Variants in WNT6 observed in about 807,000 individuals in gnomAD.
The protein encoded by WNT6 is Wnt family member 6.
WNT6 carries 27 observed loss-of-function variants against 33.1 expected under a neutral mutation model. The ratio of observed to expected loss-of-function variants is 0.82; its 90% CI spans 0.60 to 1.12. The LOEUF (loss-of-function observed/expected upper bound fraction) is 1.12, where lower values mean the gene tolerates loss of function less well. Ranked by LOEUF, WNT6 falls within the 50% of genes most tolerant of loss-of-function variation. The pLI is 0.00. For synonymous variants in WNT6, 249 were observed against 242.8 expected (o/e 1.03, Z -0.24); for missense variants, 494 against 535.3 (o/e 0.92, Z 0.76).
rs1944421615 is a variant in WNT6 at position 218,873,400 on chromosome 2, C to G, written c.653C>G (p.Thr218Arg). 6.5e-7 allele frequency: 1 copy of G among 1,536,202 alleles called. No homozygotes were observed. The highest frequency in any genetic ancestry group is 8.7e-7 in the Non-Finnish European group (1 of 1,146,244). ...CTCCCGCAGGCCGTGCGGAGCCACA[C>G]GCGCACCGAGTGCAAATGCCACGGG... Reference protein sequence around the residue: ...EAGRLAVRSHTRTECKCHGLS... With the variant: ...EAGRLAVRSHRRTECKCHGLS... Residue 218 changes from threonine to arginine, a missense_variant, in exon 4 of 4, where the codon ACG becomes AGG. Coordinates refer to ENST00000233948, the MANE Select transcript of WNT6 (RefSeq NM_006522.4). The surrounding 1 kb of genome is among the most constrained non-coding windows in gnomAD (Gnocchi z 6.1).
At chr2:218,863,475 G>C (rs557841290) in intron 1 of WNT6, among the ~76,000 whole-genome samples, 4 of 152,300 alleles carry the variant, frequency 2.6e-5, no homozygotes, top group African/African-American at 9.6e-5. Flanking sequence ...CGGAGACCTG[G>C]CTCCAGGTTC....
chr2:218,863,041 A>G (rs1944323193), intron 1 of WNT6, among the ~76,000 whole-genome samples: 1 of 152,126 alleles, frequency 6.6e-6, no homozygotes, highest in Non-Finnish European at 1.5e-5. Flanking sequence ...CTTTGGTCTG[A>G]GCCCAGATCC....
At chr2:218,864,291 G>A (rs939947891) in intron 1 of WNT6, among the ~76,000 whole-genome samples, 2 of 151,378 alleles carry the variant, frequency 1.3e-5, no homozygotes, top group Admixed American at 6.6e-5. Flanking sequence ...ACAGAGTCTC[G>A]CTCTGTCACC....
chr2:218,866,745 A>G (rs1559407845), intron 1 of WNT6, among the ~76,000 whole-genome samples: 1 of 152,200 alleles, frequency 6.6e-6, no homozygotes. Context: ...AACATCATAG[A>G]ACAAGCAAAT....
At chr2:218,860,168 C>G in intron 1 of WNT6, 51 bp downstream of exon 1, 1 of 1,470,028 alleles carries the variant, frequency 6.8e-7, no homozygotes, top group Admixed American at 2.2e-5. Flanking sequence ...GTGGGGACCC[C>G]GGGACCCAGG....
At chr2:218,869,221 T>C (rs1944379015) in intron 1 of WNT6, among the ~76,000 whole-genome samples, 1 of 151,896 alleles carries the variant, frequency 6.6e-6, no homozygotes, top group Non-Finnish European at 1.5e-5. Context: ...TGTGTGTGCG[T>C]GCGCATGCGT....
At chr2:218,861,024 G>A (rs185172300) in intron 1 of WNT6, among the ~76,000 whole-genome samples, 85 of 152,354 alleles carry the variant, frequency 5.6e-4, no homozygotes, top group Non-Finnish European at 1.0e-3. Context: ...TTAGAGAGGA[G>A]AGACTTGGAC....
chr2:218,860,036 C>G lies in WNT6; in HGVS notation c.-2C>G. 2.7e-6 allele frequency: 4 copies of G among 1,491,678 alleles called. No individual in the cohort carries two copies. Among genetic ancestry groups the G allele is most frequent in the Non-Finnish European group, 2.7e-6 (3 of 1,125,866 alleles). 92.4% of individuals were successfully genotyped at this position (1,491,678 alleles called of 1,614,324 possible). A position where few individuals can be genotyped will look rare whatever the true frequency, so the allele number is the denominator to read the frequency against. On this transcript the variant is annotated 5_prime_UTR_variant, in exon 1 of 4. Coordinates refer to ENST00000233948, the MANE Select transcript of WNT6 (RefSeq NM_006522.4). Reference sequence around the variant, plus strand: ...CACCCGGGCGGCCGTAGGGCGGTCACGATGCTGCCGCCCTTACCCTCCCGC... The same window carrying G: ...CACCCGGGCGGCCGTAGGGCGGTCAGGATGCTGCCGCCCTTACCCTCCCGC...
rs1944417925 is a variant in WNT6 at position 218,873,089 on chromosome 2, T to C, written c.637-295T>C. Among the ~76,000 whole-genome samples the C allele has an allele frequency of 6.6e-6, 1 of 152,036 alleles. No homozygotes were observed. Among genetic ancestry groups the C allele is most frequent in the Admixed American group, 6.5e-5 (1 of 15,270 alleles). On this transcript the variant is annotated intron_variant, in intron 3 of 3. Coordinates refer to ENST00000233948, the MANE Select transcript of WNT6 (RefSeq NM_006522.4). The surrounding 1 kb of genome is among the most constrained non-coding windows in gnomAD (Gnocchi z 6.1). ...AAGAGAATCTCACCCCTGCTGTCCATTCTGCTTTCTCCCCCACCCCCTGCC... is the reference window on the plus strand; with the variant it reads ...AAGAGAATCTCACCCCTGCTGTCCACTCTGCTTTCTCCCCCACCCCCTGCC...
At chr2:218,869,287 A>G (rs2106004642) in intron 1 of WNT6, among the ~76,000 whole-genome samples, 1 of 152,232 alleles carries the variant, frequency 6.6e-6, no homozygotes, top group South Asian at 2.1e-4. Flanking sequence ...ACCATAAAGG[A>G]CTGAGCTTAC....
In WNT6 at chr2:218,871,088, GCC is replaced by G. The variant is rs767941026; in HGVS notation, c.143_144del (p.Ala48GlyfsTer10). ...CATCTGCAGGAAGGCACGGCGGCTG[GCC>G]GGGCGGCAGGCCGAGTTGTGCCAGG... ...TSICRKARRLAGRQAELCQAE... is the reference protein window; with the variant it reads ...TSICRKARRLXGRQAELCQAE... On this transcript the variant is annotated frameshift_variant, in exon 2 of 4. Coordinates refer to ENST00000233948, the MANE Select transcript of WNT6 (RefSeq NM_006522.4). LOFTEE classifies it high-confidence loss of function. This position sits in a 1 kb window ranked among gnomAD's most constrained non-coding sequence, Gnocchi z 6.4. 3 of 1,613,448 alleles carry G rather than the reference GCC, an allele frequency of 1.9e-6. No individual in the cohort carries two copies. The South Asian group carries it at 3.3e-5, about 18-fold the overall frequency.
chr2:218,863,130 G>T (rs1048072640), intron 1 of WNT6, among the ~76,000 whole-genome samples: 15 of 152,296 alleles, frequency 9.8e-5, no homozygotes, highest in Admixed American at 9.1e-4. Context: ...TCAAGTTTGG[G>T]TTGATGAGCT....
chr2:218,869,712 T>A (rs1383120998), intron 1 of WNT6, among the ~76,000 whole-genome samples: 1 of 152,156 alleles, frequency 6.6e-6, no homozygotes, highest in Non-Finnish European at 1.5e-5. Context: ...CAGGTATGAA[T>A]CCCTAAGGAA....
chr2:218,860,593 G>C (rs1376865719), intron 1 of WNT6, among the ~76,000 whole-genome samples: 1 of 152,108 alleles, frequency 6.6e-6, no homozygotes, highest in African/African-American at 2.4e-5. Flanking sequence ...CCTTAGTGAC[G>C]ACAGAGGGAA....
chr2:218,869,844 C>T (rs1027825543), intron 1 of WNT6, among the ~76,000 whole-genome samples: 1 of 152,190 alleles, frequency 6.6e-6, no homozygotes, highest in Non-Finnish European at 1.5e-5. Context: ...CTTCCCCTAC[C>T]AAGCCAAATA....
chr2:218,871,920 AG>A lies in WNT6; in HGVS notation c.636+107del, dbSNP rs1944406129. On this transcript the variant is annotated intron_variant, in intron 3 of 3. Transcript: ENST00000233948. The surrounding 1 kb of genome is among the most constrained non-coding windows in gnomAD (Gnocchi z 6.4). ...GGCAGGAGTGAGGGTGTGTAGGTGG[AG>A]GGGGGCGTTAATGTGTGGGGGAGTG... is the stretch of plus-strand genomic sequence containing the variant. 6.3e-6 allele frequency: 3 copies of A among 475,162 alleles called. No individual in the cohort carries two copies. The highest frequency in any genetic ancestry group is 8.9e-6 in the Non-Finnish European group (3 of 335,930). 29.4% of individuals were successfully genotyped at this position (475,162 alleles called of 1,614,324 possible).
Position 218,873,631 on chromosome 2 carries a change from C to A in WNT6, c.884C>A (p.Ala295Asp). Residue 295 changes from alanine to aspartate, a missense_variant, in exon 4 of 4, where the codon GCC (alanine) becomes GAC (aspartate). By Grantham distance (126) the Ala-to-Asp change is moderately radical. Transcript: ENST00000233948. This position sits in a 1 kb window ranked among gnomAD's most constrained non-coding sequence, Gnocchi z 6.1. ...GCCGCCGATTCGCCCGACTTCTGCG[C>A]CCCCAACCGACGCACCGGCTCCCCC... ...LYAADSPDFC[A>D]PNRRTGSPGT... The A allele has an allele frequency of 1.3e-6, 2 of 1,579,754 alleles. No homozygotes were observed. Among genetic ancestry groups the A allele is most frequent in the Admixed American group, 1.7e-5 (1 of 58,980 alleles).
chr2:218,864,634 G>A (rs1575223182), intron 1 of WNT6, among the ~76,000 whole-genome samples: 1 of 152,232 alleles, frequency 6.6e-6, no homozygotes, highest in Middle Eastern at 3.4e-3. Flanking sequence ...ACCACCCAGT[G>A]TCACTCCCTT....
At position 218,859,826 on chromosome 2, in the gene WNT6, A is replaced by C. The variant is rs1003729509; in HGVS notation, c.-212A>C. 2 of 150,718 alleles carry C rather than the reference A, an allele frequency of 1.3e-5. No homozygotes were observed. Among genetic ancestry groups the C allele is most frequent in the Non-Finnish European group, 2.7e-5 (2 of 74,428 alleles). 9.3% of individuals were successfully genotyped at this position (150,718 alleles called of 1,614,324 possible). A position where few individuals can be genotyped will look rare whatever the true frequency, so the allele number is the denominator to read the frequency against. ...ATTTCTTCTCCCGAGCGAGCTCCGC[A>C]GGAGACACAGGCGCTGGCTGCCCCG... On this transcript the variant is annotated 5_prime_UTR_variant, in exon 1 of 4. Coordinates refer to ENST00000233948, the MANE Select transcript of WNT6 (RefSeq NM_006522.4).
Sources: allele counts gnomAD v4.1 joint callset (sites outside exome capture counted in the v4.1 genomes callset), GRCh38; gene constraint gnomAD v4.1.1; non-coding constraint Gnocchi (gnomAD v3.1); transcripts MANE v1.5; gene names NCBI Gene and HGNC (gene_info 2026-07-23, HGNC 2026-07-21).